The following IMMP2L variants were observed in gnomAD, a reference collection of about 807,000 sequenced individuals.
The protein encoded by IMMP2L is inner mitochondrial membrane peptidase subunit 2, also known as mitochondrial inner membrane protease subunit 2.
A neutral mutation model predicts 19.3 loss-of-function variants in IMMP2L; 18 were observed. That is an observed-to-expected ratio of 0.93 (90% CI 0.64 to 1.38). IMMP2L has a LOEUF of 1.38. Among genes scored for constraint, IMMP2L ranks in the 40% most tolerant of loss-of-function variants. The pLI, the probability that IMMP2L is intolerant of heterozygous loss-of-function variation, is 0.00. For synonymous variants in IMMP2L, 76 were observed against 73.0 expected (o/e 1.04, Z -0.21); for missense variants, 233 against 218.2 (o/e 1.07, Z -0.43).
chr7:111,089,892 C>T (rs1796674860), intron 3 of IMMP2L, among the ~76,000 whole-genome samples: 1 of 151,530 alleles, frequency 6.6e-6, no homozygotes, highest in Non-Finnish European at 1.5e-5. Context: ...ATTATAATAA[C>T]TGCAAACTAT....
chr7:111,472,295 T>C (rs1841342209), intron 3 of IMMP2L, among the ~76,000 whole-genome samples: 2 of 152,100 alleles, frequency 1.3e-5, no homozygotes, highest in South Asian at 2.1e-4. Context: ...AGAAAACATA[T>C]CTGGAAAAGT....
chr7:110,872,750 G>C (rs1441837800), intron 5 of IMMP2L, among the ~76,000 whole-genome samples: 4 of 152,170 alleles, frequency 2.6e-5, no homozygotes, highest in Admixed American at 1.3e-4. Context: ...AATTGGTGCA[G>C]GACTGGAACT....
chr7:110,897,537 G>A (rs536670213), intron 4 of IMMP2L, among the ~76,000 whole-genome samples: 6 of 152,282 alleles, frequency 3.9e-5, no homozygotes, highest in Non-Finnish European at 5.9e-5. Context: ...CAATCTGGCA[G>A]CATCCATAAC....
chr7:111,042,452 A>G (rs758762482), intron 3 of IMMP2L, among the ~76,000 whole-genome samples: 16 of 152,320 alleles, frequency 1.1e-4, no homozygotes, highest in Non-Finnish European at 2.1e-4. Flanking sequence ...AAGTGTTGGG[A>G]TTACAGGCGT....
At chr7:111,276,079 G>C (rs917334850) in intron 3 of IMMP2L, among the ~76,000 whole-genome samples, 3 of 151,864 alleles carry the variant, frequency 2.0e-5, no homozygotes, top group Non-Finnish European at 4.4e-5. Context: ...GTCAGCTGTG[G>C]GTTTGTCTTA....
At chr7:110,693,583 C>CAACA (rs1422202110) in intron 5 of IMMP2L, among the ~76,000 whole-genome samples, 3 of 152,134 alleles carry the variant, frequency 2.0e-5, no homozygotes, top group Non-Finnish European at 4.4e-5. Context: ...TGTAAAGGCT[C>CAACA]AACAAACACT....
chr7:111,272,192 C>T (rs774531584), intron 3 of IMMP2L, among the ~76,000 whole-genome samples: 1 of 152,088 alleles, frequency 6.6e-6, no homozygotes, highest in African/African-American at 2.4e-5. Context: ...CTTACTATAT[C>T]TCTTCAGGAT....
chr7:111,230,500 C>G (rs1386793639), intron 3 of IMMP2L, among the ~76,000 whole-genome samples: 1 of 151,790 alleles, frequency 6.6e-6, no homozygotes, highest in African/African-American at 2.4e-5. Flanking sequence ...TGTGTAATTT[C>G]AAAAAAACTT....
At chr7:111,228,526 T>C (rs1194434565) in intron 3 of IMMP2L, among the ~76,000 whole-genome samples, 6 of 151,450 alleles carry the variant, frequency 4.0e-5, no homozygotes, top group African/African-American at 7.3e-5. Context: ...TGAGACCAGA[T>C]GGCCAAGACC....
At chr7:110,744,041 A>C (rs965253785) in intron 5 of IMMP2L, among the ~76,000 whole-genome samples, 5 of 152,144 alleles carry the variant, frequency 3.3e-5, no homozygotes, top group Admixed American at 2.6e-4. Context: ...CAGCAGTCTG[A>C]GTTCGACCTG....
chr7:111,194,871 C>T (rs1174807836), intron 3 of IMMP2L, among the ~76,000 whole-genome samples: 2 of 152,114 alleles, frequency 1.3e-5, no homozygotes, highest in African/African-American at 2.4e-5. Context: ...TCATATCTAA[C>T]ATGTAGACAC....
chr7:111,290,766 T>C (rs1438459243), intron 3 of IMMP2L, among the ~76,000 whole-genome samples: 2 of 151,616 alleles, frequency 1.3e-5, no homozygotes, highest in African/African-American at 4.8e-5. Flanking sequence ...CTGATTGCAC[T>C]TATCACTATT....
At chr7:111,500,853 T>TA (rs1371961570) in intron 2 of IMMP2L, among the ~76,000 whole-genome samples, 2 of 151,792 alleles carry the variant, frequency 1.3e-5, no homozygotes, top group Non-Finnish European at 2.9e-5. Flanking sequence ...CAAAAGTAGA[T>TA]AAAACCACAA....
At chr7:110,999,000 C>A (rs957725947) in intron 3 of IMMP2L, among the ~76,000 whole-genome samples, 2 of 152,108 alleles carry the variant, frequency 1.3e-5, no homozygotes, top group African/African-American at 4.8e-5. Context: ...TTTGGAGGTG[C>A]ATATACCATA....
intron 4 of IMMP2L, among the ~76,000 whole-genome samples, chr7:110,928,355 A>G (rs765812669): frequency 5.9e-4 from 18 of 30,284 alleles, no homozygotes; most frequent in Non-Finnish European, 8.7e-4. Flanking sequence ...GTACCTGCAC[A>G]CACACACACA....
chr7:111,283,025 A>ATT (rs1336855849), intron 3 of IMMP2L, among the ~76,000 whole-genome samples: 1 of 152,116 alleles, frequency 6.6e-6, no homozygotes, highest in African/African-American at 2.4e-5. Flanking sequence ...AATATACATT[A>ATT]TTTTCAAGCA....
At chr7:110,919,287 A>G (rs1813989978) in intron 4 of IMMP2L, among the ~76,000 whole-genome samples, 1 of 152,200 alleles carries the variant, frequency 6.6e-6, no homozygotes. Flanking sequence ...ATGACTCACC[A>G]AATTAAGCCA....
At chr7:111,201,483 A>T (rs1404095667) in intron 3 of IMMP2L, among the ~76,000 whole-genome samples, 2 of 152,022 alleles carry the variant, frequency 1.3e-5, no homozygotes, top group Non-Finnish European at 2.9e-5. Context: ...TGGGAGGCTG[A>T]GGGGGGCAGA....
chr7:111,258,884 A>C (rs555844533), intron 3 of IMMP2L, among the ~76,000 whole-genome samples: 1 of 152,186 alleles, frequency 6.6e-6, no homozygotes, highest in Non-Finnish European at 1.5e-5. Flanking sequence ...TGACCACTAA[A>C]TGAGGAAATA....
Sources: allele counts gnomAD v4.1 joint callset (sites outside exome capture counted in the v4.1 genomes callset), GRCh38; gene constraint gnomAD v4.1.1; transcripts MANE v1.5; gene names NCBI Gene and HGNC (gene_info 2026-07-23, HGNC 2026-07-21).